The following LMO7 variants were observed in gnomAD, a reference collection of about 807,000 sequenced individuals.
LMO7 encodes the protein LIM domain only protein 7.
Under a neutral mutation model 206.5 loss-of-function variants are expected in LMO7, and 120 were observed. That is an observed-to-expected ratio of 0.58 (90% CI 0.50 to 0.68). The LOEUF (loss-of-function observed/expected upper bound fraction) is 0.68, where lower values mean the gene tolerates loss of function less well. LMO7 is among the 30% of genes least tolerant of loss of function. The pLI is 0.00. For missense variants in LMO7, 1,959 were observed against 1,957.9 expected, an observed-to-expected ratio of 1.00 and a Z score of -0.01; for synonymous variants, 706 against 681.5, an observed-to-expected ratio of 1.04 and a Z score of -0.56.
intron 3 of LMO7, among the ~76,000 whole-genome samples, chr13:75,754,608 A>G (rs1274228176): frequency 6.6e-6 from 1 of 152,220 alleles, no homozygotes; most frequent in Middle Eastern, 3.2e-3. Flanking sequence ...TAACAAAATA[A>G]AATGAGAGAG....
At chr13:75,798,587 A>G (rs2054323067) in intron 6 of LMO7, among the ~76,000 whole-genome samples, 1 of 152,240 alleles carries the variant, frequency 6.6e-6, no homozygotes, top group Non-Finnish European at 1.5e-5. Flanking sequence ...TTCCATTATA[A>G]TAAACTGGGG....
intron 3 of LMO7, among the ~76,000 whole-genome samples, chr13:75,733,960 G>A (rs550585156): frequency 6.6e-6 from 1 of 152,222 alleles, no homozygotes; most frequent in Non-Finnish European, 1.5e-5. Flanking sequence ...ATGTGCACCA[G>A]TTGTTATGTT....
At chr13:75,720,354 ATTATTTCTTTT>A (rs1478620861) in intron 2 of LMO7, among the ~76,000 whole-genome samples, 1 of 152,154 alleles carries the variant, frequency 6.6e-6, no homozygotes, top group African/African-American at 2.4e-5. Flanking sequence ...CAGTGTGTCA[ATTATTTCTTTT>A]ACGAATTGTG....
At chr13:75,855,231 C>T in intron 28 of LMO7, 29 bp from the exon 29 acceptor site, 2 of 1,392,638 alleles carry the variant, frequency 1.4e-6, no homozygotes, top group Non-Finnish European at 2.0e-6. Context: ...CAGGTGAAAG[C>T]CTCCATTCCA....
chr13:75,853,147 C>G lies in LMO7; in HGVS notation c.4420C>G (p.Pro1474Ala). 1 of 1,613,906 alleles carries G rather than the reference C, an allele frequency of 6.2e-7. No homozygotes were observed. Among genetic ancestry groups the G allele is most frequent in the Non-Finnish European group, 8.5e-7 (1 of 1,179,902 alleles). Residue 1474 changes from proline (P) to alanine (A), a missense_variant, in exon 28 of 31, where the codon CCT becomes GCT. Transcript: ENST00000377534. The part of the protein sequence containing the change: ...SPRSNSWRQP[P>A]WLNQPTGFYA... ...CCGATCCAATTCTTGGAGACAGCCT[C>G]CTTGGCTCAATCAGCCCACAGGATT...
At chr13:75,705,183 T>G (rs2042567114) in intron 1 of LMO7, among the ~76,000 whole-genome samples, 1 of 152,220 alleles carries the variant, frequency 6.6e-6, no homozygotes, top group African/African-American at 2.4e-5. Flanking sequence ...TCCTAGCTTC[T>G]TTGCCACAGG....
intron 3 of LMO7, chr13:75,760,670 T>A: frequency 7.3e-6 from 11 of 1,512,878 alleles, no homozygotes; most frequent in Non-Finnish European, 9.7e-6. Flanking sequence ...TAACAGGTAA[T>A]GTTTAACGTG....
chr13:75,834,942 G>GT (rs2058998243), intron 17 of LMO7, among the ~76,000 whole-genome samples: 1 of 152,132 alleles, frequency 6.6e-6, no homozygotes, highest in Non-Finnish European at 1.5e-5. Flanking sequence ...AAATTTGCTA[G>GT]TTTTTTCATT....
chr13:75,755,280 A>G (rs907879343), intron 3 of LMO7, among the ~76,000 whole-genome samples: 1 of 152,070 alleles, frequency 6.6e-6, no homozygotes, highest in Non-Finnish European at 1.5e-5. Context: ...TTGATTTTCA[A>G]ATTCTTTGGG....
chr13:75,731,951 C>T (rs980190233), intron 3 of LMO7, among the ~76,000 whole-genome samples: 8 of 152,050 alleles, frequency 5.3e-5, no homozygotes, highest in Non-Finnish European at 1.0e-4. Context: ...TGAATATTGG[C>T]CCCCACTCTC....
intron 1 of LMO7, among the ~76,000 whole-genome samples, chr13:75,670,487 T>C (rs1034201154): frequency 6.6e-6 from 1 of 152,216 alleles, no homozygotes; most frequent in Non-Finnish European, 1.5e-5. Flanking sequence ...AGCTTATTGC[T>C]CCTAGGCTAC....
At chr13:75,658,547 C>G (rs1304647011) in intron 1 of LMO7, among the ~76,000 whole-genome samples, 1 of 151,946 alleles carries the variant, frequency 6.6e-6, no homozygotes, top group Non-Finnish European at 1.5e-5. Context: ...ATAGTTTTTG[C>G]TACAGCTCTG....
intron 3 of LMO7, among the ~76,000 whole-genome samples, chr13:75,750,199 G>A (rs1346797825): frequency 1.3e-5 from 2 of 152,078 alleles, no homozygotes; most frequent in Non-Finnish European, 2.9e-5. Context: ...TCACAATATA[G>A]CATAAGAATA....
At chr13:75,812,024 G>A (rs971756650) in intron 11 of LMO7, among the ~76,000 whole-genome samples, 15 of 152,102 alleles carry the variant, frequency 9.9e-5, no homozygotes, top group Admixed American at 9.2e-4. Context: ...AGCCAATTTC[G>A]GTTATTTCTA....
In LMO7 at chr13:75,741,935, CTA is replaced by C. The variant is rs943306722; in HGVS notation, c.210+14839_210+14840del. On this transcript the variant is annotated intron_variant, in intron 3 of 30. Transcript: ENST00000377534. ...CCAAATAGAAAGAGAGGAAGTCAAA[CTA>C]TTCCTGTTTGCAGATGACTTGATTC... 3.3e-5 allele frequency among the ~76,000 whole-genome samples: 5 copies of C among 152,174 alleles called. No individual in the cohort carries two copies. In the East Asian group the frequency reaches 7.7e-4, roughly 23 times the overall value.
rs78014675 is a variant in LMO7 at position 75,734,520 on chromosome 13, A to G, written c.210+7422A>G. 4.8e-3 allele frequency among the ~76,000 whole-genome samples: 734 copies of G among 152,310 alleles called. 8 individuals are homozygous for G. The highest frequency in any genetic ancestry group is 0.017 in the African/African-American group (693 of 41,570). Reference sequence around the variant, plus strand: ...GACCATTCATGTGTTTACAGATGTTAAAGGCATGGGTAATTAAAGTTAGCA... The same window carrying G: ...GACCATTCATGTGTTTACAGATGTTGAAGGCATGGGTAATTAAAGTTAGCA... On this transcript the variant is annotated intron_variant, in intron 3 of 30. Transcript: ENST00000377534.
chr13:75,844,826 G>C (rs1032425051), intron 25 of LMO7, among the ~76,000 whole-genome samples: 1 of 152,186 alleles, frequency 6.6e-6, no homozygotes, highest in Non-Finnish European at 1.5e-5. Context: ...GAAGTTGACT[G>C]TGCTGTATGC....
chr13:75,690,784 A>G (rs1566313828), intron 1 of LMO7, among the ~76,000 whole-genome samples: 1 of 152,218 alleles, frequency 6.6e-6, no homozygotes, highest in Non-Finnish European at 1.5e-5. Flanking sequence ...ATAAAATTGG[A>G]AATGGGTTTG....
At chr13:75,781,609 G>A (rs2140327799) in intron 4 of LMO7, among the ~76,000 whole-genome samples, 1 of 151,916 alleles carries the variant, frequency 6.6e-6, no homozygotes, top group African/African-American at 2.4e-5. Flanking sequence ...TGTCTTTATA[G>A]CAGCATGATT....
Sources: allele counts gnomAD v4.1 joint callset (sites outside exome capture counted in the v4.1 genomes callset), GRCh38; gene constraint gnomAD v4.1.1; transcripts MANE v1.5; gene names NCBI Gene and HGNC (gene_info 2026-07-23, HGNC 2026-07-21).